The following PRKN variants were observed in gnomAD, a reference collection of about 807,000 sequenced individuals.
PRKN encodes parkin RBR E3 ubiquitin protein ligase.
Under a neutral mutation model 59.5 loss-of-function variants are expected in PRKN, and 56 were observed. The ratio of observed to expected loss-of-function variants is 0.94; its 90% CI spans 0.76 to 1.18. The LOEUF is 1.18. PRKN is among the 50% of genes most tolerant of loss of function. PRKN has a pLI of 0.00. For synonymous variants in PRKN, 250 were observed against 222.1 expected (o/e 1.13, Z -1.12); for missense variants, 657 against 596.4 (o/e 1.10, Z -1.06).
chr6:161,482,345 G>C (rs901014089), intron 9 of PRKN, among the ~76,000 whole-genome samples: 9 of 152,164 alleles, frequency 5.9e-5, no homozygotes, highest in African/African-American at 2.2e-4. Flanking sequence ...CCAGCGTGCA[G>C]TGTTAGGTTC....
In PRKN at chr6:161,467,296, G is replaced by A. The variant is rs1469124823; in HGVS notation, c.1084-80419C>T. Among the ~76,000 whole-genome samples the A allele has an allele frequency of 1.3e-5, 2 of 152,128 alleles. No individual in the cohort carries two copies. Among genetic ancestry groups the A allele is most frequent in the Non-Finnish European group, 2.9e-5 (2 of 68,030 alleles). ...TTCATCAGTAAATATTATTGAGAGT[G>A]GACTGTGTGCCTGGCACTGTGCGGT... is the stretch of plus-strand genomic sequence containing the variant. On this transcript the variant is annotated intron_variant, in intron 9 of 11. Transcript: ENST00000366898. This position sits in a 1 kb window ranked among gnomAD's most constrained non-coding sequence, Gnocchi z 4.3.
At chr6:161,741,572 C>G (rs868395633) in intron 7 of PRKN, among the ~76,000 whole-genome samples, 1 of 152,130 alleles carries the variant, frequency 6.6e-6, no homozygotes, top group African/African-American at 2.4e-5. Flanking sequence ...CCTTCAGACA[C>G]GATCCCCACT....
chr6:162,442,459 T>A (rs1790103214), intron 2 of PRKN, among the ~76,000 whole-genome samples: 1 of 152,138 alleles, frequency 6.6e-6, no homozygotes, highest in Admixed American at 6.5e-5. Context: ...TCAACAAATG[T>A]TGAGTTGTAT....
rs773774008 is a variant in PRKN at position 161,373,925 on chromosome 6, C to G, written c.1167+12869G>C. On this transcript the variant is annotated intron_variant, in intron 10 of 11. Transcript: ENST00000366898. The surrounding 1 kb of genome is among the most constrained non-coding windows in gnomAD (Gnocchi z 4.8). ...CCTTCGATTCCCTCTTGCCTGTTGT[C>G]GGCTGGGCCACTATGCAGGCGTGGC... 6.6e-6 allele frequency among the ~76,000 whole-genome samples: 1 copy of G among 152,158 alleles called. No individual in the cohort carries two copies. Among genetic ancestry groups the G allele is most frequent in the Non-Finnish European group, 1.5e-5 (1 of 68,024 alleles).
chr6:161,671,846 CTGTT>C (rs1331059500), intron 7 of PRKN, among the ~76,000 whole-genome samples: 2 of 152,154 alleles, frequency 1.3e-5, no homozygotes, highest in African/African-American at 2.4e-5. Context: ...GTCTTGTCCT[CTGTT>C]TGTTATCATT....
intron 4 of PRKN, among the ~76,000 whole-genome samples, chr6:162,175,161 T>A (rs1437444694): frequency 6.6e-6 from 1 of 152,230 alleles, no homozygotes; most frequent in Admixed American, 6.5e-5. Context: ...TGTTGTCTTA[T>A]ACACCTTGGT....
intron 4 of PRKN, among the ~76,000 whole-genome samples, chr6:162,107,416 G>T (rs1239423081): frequency 1.3e-5 from 2 of 152,220 alleles, no homozygotes; most frequent in Non-Finnish European, 2.9e-5. Flanking sequence ...AGTGAGCCGA[G>T]ATCGCACCTC....
At chr6:162,155,485 A>G (rs773520082) in intron 4 of PRKN, among the ~76,000 whole-genome samples, 1 of 152,146 alleles carries the variant, frequency 6.6e-6, no homozygotes, top group Non-Finnish European at 1.5e-5. Flanking sequence ...CAGAACTACT[A>G]CTGAATTTCA....
intron 4 of PRKN, 113 bp from the exon 5 acceptor site, chr6:162,054,287 T>A: frequency 1.3e-6 from 1 of 786,156 alleles, no homozygotes; most frequent in South Asian, 1.5e-5. Flanking sequence ...TGTAGTCCAA[T>A]GATTTTCAAA....
At chr6:161,602,313 A>G (rs1353154089) in intron 7 of PRKN, among the ~76,000 whole-genome samples, 1 of 152,224 alleles carries the variant, frequency 6.6e-6, no homozygotes, top group African/African-American at 2.4e-5. Context: ...GAATTTTTAC[A>G]TCAATTACTT....
intron 7 of PRKN, among the ~76,000 whole-genome samples, chr6:161,651,323 C>A (rs1784142108): frequency 6.6e-6 from 1 of 152,176 alleles, no homozygotes; most frequent in Non-Finnish European, 1.5e-5. Flanking sequence ...CCAGCAAACA[C>A]CACGGACCAT....
chr6:161,941,633 A>C (rs1029022572), intron 6 of PRKN, among the ~76,000 whole-genome samples: 2 of 152,202 alleles, frequency 1.3e-5, no homozygotes, highest in Admixed American at 1.3e-4. Context: ...CTAAACTAAA[A>C]GAGCACCCTG....
chr6:161,467,127 G>A lies in PRKN; in HGVS notation c.1084-80250C>T, dbSNP rs937859958. 6.6e-6 allele frequency among the ~76,000 whole-genome samples: 1 copy of A among 152,150 alleles called. No individual in the cohort carries two copies. Among genetic ancestry groups the A allele is most frequent in the African/African-American group, 2.4e-5 (1 of 41,434 alleles). On this transcript the variant is annotated intron_variant, in intron 9 of 11. Coordinates refer to ENST00000366898, the MANE Select transcript of PRKN (RefSeq NM_004562.3). The surrounding 1 kb of genome is among the most constrained non-coding windows in gnomAD (Gnocchi z 4.3). ...GCCTCTCTCATTACTGCTCATCAGT[G>A]TCCTGCTGCTGGGGGAGCCATTTGT...
At chr6:161,830,712 C>T (rs536753229) in intron 6 of PRKN, among the ~76,000 whole-genome samples, 8 of 152,234 alleles carry the variant, frequency 5.3e-5, no homozygotes, top group Middle Eastern at 3.4e-3. Context: ...CATTGTGAAA[C>T]GGCTACATCA....
chr6:162,370,207 T>C (rs76536669), intron 2 of PRKN, among the ~76,000 whole-genome samples: 3,964 of 152,336 alleles, frequency 0.026, 81 homozygotes, highest in Middle Eastern at 0.11. Flanking sequence ...GCCTGCTTTC[T>C]TTCTGCTGTC....
intron 3 of PRKN, among the ~76,000 whole-genome samples, chr6:162,260,067 G>C (rs1779821029): frequency 6.6e-6 from 1 of 152,108 alleles, no homozygotes; most frequent in Admixed American, 6.6e-5. Context: ...CTTTACAGAG[G>C]CCTTTTAGTA....
At chr6:161,432,313 C>T (rs1278475779) in intron 9 of PRKN, among the ~76,000 whole-genome samples, 2 of 151,204 alleles carry the variant, frequency 1.3e-5, no homozygotes, top group Non-Finnish European at 2.9e-5. Flanking sequence ...CCTTGGAACA[C>T]ATGTTAGCAT....
intron 7 of PRKN, among the ~76,000 whole-genome samples, chr6:161,768,399 A>G (rs548367119): frequency 6.6e-6 from 1 of 152,334 alleles, no homozygotes; most frequent in South Asian, 2.1e-4. Flanking sequence ...GCAGCAACGT[A>G]ACTTTGAAAT....
intron 2 of PRKN, among the ~76,000 whole-genome samples, chr6:162,344,730 T>C (rs554452157): frequency 1.3e-5 from 2 of 152,186 alleles, no homozygotes; most frequent in Non-Finnish European, 2.9e-5. Flanking sequence ...ATAGTACCTG[T>C]CACTGGCTTT....
Sources: gnomAD v4.1 joint callset for allele counts (sites outside exome capture counted in the v4.1 genomes callset) on GRCh38, gnomAD v4.1.1 for gene constraint, Gnocchi (gnomAD v3.1) non-coding constraint, MANE v1.5 for transcripts, NCBI Gene and HGNC (gene_info 2026-07-23, HGNC 2026-07-21) for gene names.